SPATA6: variants seen among roughly 807,000 people sequenced by gnomAD.
SPATA6 encodes the protein spermatogenesis-associated protein 6.
In SPATA6, 56 loss-of-function variants were observed where a neutral mutation model predicts 65.3. The observed-to-expected ratio is 0.86, with a 90% CI of 0.69 to 1.07. SPATA6 has a LOEUF of 1.07. SPATA6 is among the 50% of genes least tolerant of loss of function. The pLI is 0.00. For missense variants in SPATA6, 590 were observed against 594.8 expected (o/e 0.99, Z 0.08); for synonymous variants, 199 against 213.2 (o/e 0.93, Z 0.58).
chr1:48,428,873 GTGTGTGTGTGTGTGTGTGTT>G (rs1347722818), intron 3 of SPATA6, among the ~76,000 whole-genome samples: 2 of 50,990 alleles, frequency 3.9e-5, no homozygotes, highest in Non-Finnish European at 6.2e-5. Flanking sequence ...ATATACACGT[GTGTGTGTGTGTGTGTGTGTT>G]TGTGTGTGTG....
intron 1 of SPATA6, among the ~76,000 whole-genome samples, chr1:48,470,097 A>C (rs539174047): frequency 6.6e-6 from 1 of 152,296 alleles, no homozygotes; most frequent in African/African-American, 2.4e-5. Flanking sequence ...TTTAGCTCTG[A>C]TAAGTAACAA....
At position 48,353,204 on chromosome 1, in the gene SPATA6, T is replaced by C. The variant is rs563947288; in HGVS notation, c.1194+2466A>G. On this transcript the variant is annotated intron_variant, in intron 11 of 12. Coordinates refer to ENST00000371847, the MANE Select transcript of SPATA6 (RefSeq NM_019073.4). ...TAGAATTAAGATGCCTGATAATAGA[T>C]AAGCAAAAAAGAAAGCAGATTAAAA... 4.6e-5 allele frequency among the ~76,000 whole-genome samples: 7 copies of C among 151,874 alleles called. No homozygotes were observed. The South Asian group carries it at 1.0e-3, about 22-fold the overall frequency.
intron 7 of SPATA6, chr1:48,398,980 G>T: frequency 6.1e-6 from 1 of 163,142 alleles, no homozygotes; most frequent in Non-Finnish European, 1.3e-5. Flanking sequence ...AAAAAGGAGG[G>T]TCTTCCTTTT....
intron 3 of SPATA6, among the ~76,000 whole-genome samples, chr1:48,445,853 T>C (rs1189267192): frequency 1.3e-5 from 2 of 152,016 alleles, no homozygotes. Flanking sequence ...GTGGGGAAGA[T>C]GTGAGGCCTG....
intron 8 of SPATA6, among the ~76,000 whole-genome samples, chr1:48,388,611 C>T (rs1315904460): frequency 2.0e-5 from 3 of 151,344 alleles, no homozygotes; most frequent in Admixed American, 6.6e-5. Flanking sequence ...TAATGCAGGA[C>T]GTGAATGAAA....
At chr1:48,388,825 C>CA (rs1356488837) in intron 8 of SPATA6, among the ~76,000 whole-genome samples, 1 of 152,078 alleles carries the variant, frequency 6.6e-6, no homozygotes, top group Non-Finnish European at 1.5e-5. Flanking sequence ...TCTCCTGCCT[C>CA]AGTCTCCAGA....
intron 11 of SPATA6, among the ~76,000 whole-genome samples, chr1:48,324,507 GATTT>G (rs1186454901): frequency 6.6e-6 from 1 of 152,214 alleles, no homozygotes; most frequent in East Asian, 1.9e-4. Flanking sequence ...GACCAAGTGA[GATTT>G]ATTTCAGGGA....
chr1:48,472,203 A>C lies in SPATA6; in HGVS notation c.-195T>G, dbSNP rs993394559. 5 of 488,286 alleles carry C rather than the reference A, an allele frequency of 1.0e-5. No individual in the cohort carries two copies. The highest frequency in any genetic ancestry group is 2.1e-5 in the African/African-American group (1 of 48,004). The allele number at this position is 488,286 out of a possible 1,614,324, so 30.2% of individuals were successfully genotyped here. The stretch of plus-strand genomic sequence containing the variant: ...GAGCGCGGGGCGCAGACTCGTTGTC[A>C]TGGCAGCCAGGAGGGGCGGGGCCGG... On this transcript the variant is annotated 5_prime_UTR_variant, in exon 1 of 13. The change abolishes an upstream ATG in the 5' untranslated region. Transcript: ENST00000371847.
Position 48,296,665 on chromosome 1 carries a change from CATT to C in SPATA6, c.*2045_*2047del, listed in dbSNP as rs1644817724. ...TGAGGATATAATTTTTTTAAAAGAG[CATT>C]ATTCAATGTTGACCTTCAAAAGCTG... is the stretch of plus-strand genomic sequence containing the variant. On this transcript the variant is annotated 3_prime_UTR_variant, in exon 13 of 13. Coordinates refer to ENST00000371847, the MANE Select transcript of SPATA6 (RefSeq NM_019073.4). 1 of 152,064 alleles carries C rather than the reference CATT, an allele frequency of 6.6e-6. No individual in the cohort carries two copies. Among genetic ancestry groups the C allele is most frequent in the Non-Finnish European group, 1.5e-5 (1 of 68,008 alleles). 9.4% of individuals were successfully genotyped at this position (152,064 alleles called of 1,614,324 possible).
At chr1:48,460,776 G>A (rs2148184752) in intron 1 of SPATA6, among the ~76,000 whole-genome samples, 1 of 151,554 alleles carries the variant, frequency 6.6e-6, no homozygotes, top group African/African-American at 2.4e-5. Context: ...TAAAAAGAGA[G>A]ACTAAATGAG....
intron 9 of SPATA6, among the ~76,000 whole-genome samples, chr1:48,381,707 T>TTTTTA (rs1648638828): frequency 6.8e-6 from 1 of 146,706 alleles, no homozygotes; most frequent in African/African-American, 2.6e-5. Context: ...TTAATTAATT[T>TTTTTA]ATTTATTTTT....
intron 12 of SPATA6, among the ~76,000 whole-genome samples, chr1:48,305,520 T>C (rs1645039568): frequency 6.6e-6 from 1 of 152,124 alleles, no homozygotes. Flanking sequence ...CTATTTTTTA[T>C]ATTAAAATAA....
At chr1:48,303,581 T>C (rs1644990666) in intron 12 of SPATA6, among the ~76,000 whole-genome samples, 1 of 152,198 alleles carries the variant, frequency 6.6e-6, no homozygotes, top group Non-Finnish European at 1.5e-5. Flanking sequence ...TCCATCCATG[T>C]TGTTGCTAAT....
chr1:48,420,455 C>T (rs1012480134), intron 3 of SPATA6, among the ~76,000 whole-genome samples: 1 of 152,150 alleles, frequency 6.6e-6, no homozygotes, highest in African/African-American at 2.4e-5. Context: ...TCTTTAGGGG[C>T]TGCAGGATAT....
At chr1:48,354,078 A>G (rs1646588789) in intron 11 of SPATA6, among the ~76,000 whole-genome samples, 1 of 152,184 alleles carries the variant, frequency 6.6e-6, no homozygotes, top group Admixed American at 6.6e-5. Flanking sequence ...TGTGAACACA[A>G]CAGAGGATAT....
intron 9 of SPATA6, among the ~76,000 whole-genome samples, chr1:48,372,269 T>C (rs1647363852): frequency 6.6e-6 from 1 of 152,070 alleles, no homozygotes; most frequent in South Asian, 2.1e-4. Context: ...GGTACAGGTA[T>C]TGGGTAAATA....
chr1:48,288,824 G>C, the SPATA6 span, among the ~76,000 whole-genome samples: 2 of 152,244 alleles, frequency 1.3e-5, no homozygotes, highest in African/African-American at 4.8e-5. Context: ...GCTGAGGCTT[G>C]AGTAGGAAAA....
At chr1:48,399,184 A>C in intron 7 of SPATA6, 167 bp downstream of exon 7, 1 of 809,766 alleles carries the variant, frequency 1.2e-6, no homozygotes, top group Non-Finnish European at 1.9e-6. Context: ...AAAAAAAGCA[A>C]GTTCTTTCAT....
chr1:48,406,518 C>T (rs116647796), intron 5 of SPATA6, among the ~76,000 whole-genome samples: 1 of 152,144 alleles, frequency 6.6e-6, no homozygotes, highest in South Asian at 2.1e-4. Flanking sequence ...ATGAAGTCTA[C>T]AAGATGCAAT....
Sources: allele counts gnomAD v4.1 joint callset (sites outside exome capture counted in the v4.1 genomes callset), GRCh38; gene constraint gnomAD v4.1.1; transcripts MANE v1.5; gene names NCBI Gene and HGNC (gene_info 2026-07-23, HGNC 2026-07-21).